ARHGEF26: variants seen among roughly 807,000 people sequenced by gnomAD.
The protein encoded by ARHGEF26 is Rho guanine nucleotide exchange factor 26.
Under a neutral mutation model 89.4 loss-of-function variants are expected in ARHGEF26, and 59 were observed. That is an observed-to-expected ratio of 0.66 (90% CI 0.54 to 0.82). ARHGEF26 has a LOEUF of 0.82. Ranked by LOEUF, ARHGEF26 falls within the 40% of genes least tolerant of loss-of-function variation. The probability of loss-of-function intolerance (pLI) is 0.00; values close to 1 mark genes in which losing one functional copy is unlikely to be tolerated. For synonymous variants in ARHGEF26, 500 were observed against 428.4 expected (o/e 1.17, Z -2.06); for missense variants, 1,234 against 1,085.6 (o/e 1.14, Z -1.92).
At chr3:154,250,323 G>A (rs937192348) in intron 12 of ARHGEF26, among the ~76,000 whole-genome samples, 1 of 152,100 alleles carries the variant, frequency 6.6e-6, no homozygotes, top group Non-Finnish European at 1.5e-5. Flanking sequence ...CGCCCCGCCC[G>A]GCCTCTTGGC....
intron 4 of ARHGEF26, among the ~76,000 whole-genome samples, chr3:154,136,034 A>T (rs1262425272): frequency 3.9e-5 from 6 of 152,124 alleles, no homozygotes; most frequent in African/African-American, 1.2e-4. Flanking sequence ...TCACCTTGAA[A>T]TGCCAGATAC....
At chr3:154,164,078 G>A (rs903958768) in intron 6 of ARHGEF26, among the ~76,000 whole-genome samples, 1 of 152,036 alleles carries the variant, frequency 6.6e-6, no homozygotes, top group African/African-American at 2.4e-5. Flanking sequence ...TAAAAAATCT[G>A]TTTTCAAAAT....
At position 154,222,018 on chromosome 3, in the gene ARHGEF26, C is replaced by A. The variant is rs150199103; in HGVS notation, c.1936-3838C>A. On this transcript the variant is annotated intron_variant, in intron 10 of 14. Transcript: ENST00000465093. ...ATTTTCACATTTATCTGATTTAATTCTCACATGAACCCTATAATGTACCCT... is the reference window on the plus strand; with the variant it reads ...ATTTTCACATTTATCTGATTTAATTATCACATGAACCCTATAATGTACCCT... 3.3e-5 allele frequency among the ~76,000 whole-genome samples: 5 copies of A among 152,288 alleles called. No homozygotes were observed. The East Asian group carries it at 9.7e-4, about 29-fold the overall frequency.
chr3:154,239,054 G>A (rs1346209877), intron 11 of ARHGEF26, among the ~76,000 whole-genome samples: 1 of 152,054 alleles, frequency 6.6e-6, no homozygotes, highest in African/African-American at 2.4e-5. Context: ...GTTTGACACT[G>A]GGATTACAGA....
intron 9 of ARHGEF26, among the ~76,000 whole-genome samples, chr3:154,198,831 T>G (rs1199275142): frequency 6.6e-6 from 1 of 151,960 alleles, no homozygotes; most frequent in Non-Finnish European, 1.5e-5. Context: ...CTAAAGAACT[T>G]CTCCATGGAA....
intron 6 of ARHGEF26, among the ~76,000 whole-genome samples, chr3:154,167,694 A>G (rs923350856): frequency 5.9e-4 from 90 of 152,320 alleles, no homozygotes; most frequent in African/African-American, 2.0e-3. Context: ...GGATTATGTC[A>G]CAGTGCAAAA....
chr3:154,213,123 A>AG (rs1195743244), intron 9 of ARHGEF26, among the ~76,000 whole-genome samples: 2 of 152,094 alleles, frequency 1.3e-5, no homozygotes, highest in Non-Finnish European at 2.9e-5. Flanking sequence ...TGCCAGGATC[A>AG]GATATTCTAT....
intron 12 of ARHGEF26, among the ~76,000 whole-genome samples, chr3:154,243,541 T>TA (rs1717600282): frequency 6.6e-6 from 1 of 152,244 alleles, no homozygotes; most frequent in Non-Finnish European, 1.5e-5. Flanking sequence ...TTTTGCCTTT[T>TA]AATCTTGCCA....
upstream of ARHGEF26, chr3:154,121,109 G>A (rs535224719): frequency 3.3e-5 from 5 of 152,378 alleles, no homozygotes; most frequent in East Asian, 9.7e-4. Context: ...CAATTCAGCA[G>A]GGCTCCCTTG....
chr3:154,245,123 G>T (rs1048179013), intron 12 of ARHGEF26, among the ~76,000 whole-genome samples: 3 of 152,190 alleles, frequency 2.0e-5, no homozygotes, highest in African/African-American at 7.2e-5. Context: ...CCCTTCACGG[G>T]TTCAAGTGAT....
chr3:154,218,767 T>C (rs754734115), intron 10 of ARHGEF26, among the ~76,000 whole-genome samples: 14 of 152,264 alleles, frequency 9.2e-5, no homozygotes, highest in Non-Finnish European at 1.9e-4. Context: ...GATTACTGCA[T>C]GCTTGCTTTG....
At chr3:154,173,075 T>C (rs1335598681) in intron 6 of ARHGEF26, among the ~76,000 whole-genome samples, 1 of 152,202 alleles carries the variant, frequency 6.6e-6, no homozygotes, top group African/African-American at 2.4e-5. Flanking sequence ...TTTACTTTAT[T>C]ATCAGAATAT....
chr3:154,205,228 C>T (rs963225243), intron 9 of ARHGEF26, among the ~76,000 whole-genome samples: 1 of 152,172 alleles, frequency 6.6e-6, no homozygotes, highest in Non-Finnish European at 1.5e-5. Flanking sequence ...TATCCTCTTG[C>T]TGAATTGACC....
At position 154,210,042 on chromosome 3, in the gene ARHGEF26, A is replaced by G. The variant is rs191231234; in HGVS notation, c.1846-7827A>G. Among the ~76,000 whole-genome samples, 520 of 152,266 alleles carry G rather than the reference A, an allele frequency of 3.4e-3. 1 individual carries two copies. The highest frequency in any genetic ancestry group is 0.011 in the African/African-American group (463 of 41,570). On this transcript the variant is annotated intron_variant, in intron 9 of 14. Coordinates refer to ENST00000465093, the MANE Select transcript of ARHGEF26 (RefSeq NM_015595.4). ...TTAGCCACCACCACCCCAGGCCACA[A>G]GGAGTACTGCCTGACTACTGTTGAT...
chr3:154,247,653 A>G (rs1423472740), intron 12 of ARHGEF26, among the ~76,000 whole-genome samples: 1 of 152,230 alleles, frequency 6.6e-6, no homozygotes, highest in Non-Finnish European at 1.5e-5. Flanking sequence ...AAGAGTAACC[A>G]GGTGTGGAGA....
At chr3:154,178,096 C>T (rs12490119) in intron 6 of ARHGEF26, among the ~76,000 whole-genome samples, 24,996 of 151,884 alleles carry the variant, frequency 0.16, 2,487 homozygotes, top group East Asian at 0.4. Context: ...CCCAGCTACT[C>T]GGGAGGCTGA....
At chr3:154,164,764 T>G (rs1339338666) in intron 6 of ARHGEF26, among the ~76,000 whole-genome samples, 1 of 152,186 alleles carries the variant, frequency 6.6e-6, no homozygotes, top group African/African-American at 2.4e-5. Flanking sequence ...CTCTTGAGTC[T>G]TGTATATATT....
At chr3:154,229,194 AT>A in intron 11 of ARHGEF26, among the ~76,000 whole-genome samples, 1 of 152,096 alleles carries the variant, frequency 6.6e-6, no homozygotes, top group Admixed American at 6.5e-5. Context: ...AAACAAGCTT[AT>A]TTTAATTATT....
intron 11 of ARHGEF26, among the ~76,000 whole-genome samples, chr3:154,227,359 G>T (rs1203978345): frequency 4.8e-5 from 7 of 147,346 alleles, no homozygotes; most frequent in Non-Finnish European, 8.9e-5. Context: ...GCAGTGGCGT[G>T]ATCTCGGCTC....
Sources: allele counts gnomAD v4.1 joint callset (sites outside exome capture counted in the v4.1 genomes callset), GRCh38; gene constraint gnomAD v4.1.1; transcripts MANE v1.5; gene names NCBI Gene and HGNC (gene_info 2026-07-23, HGNC 2026-07-21).